ERBB4: variants seen among roughly 807,000 people sequenced by gnomAD.
The protein encoded by ERBB4 is receptor tyrosine-protein kinase erbB-4.
In ERBB4, 42 loss-of-function variants were observed where a neutral mutation model predicts 158.0. The ratio of observed to expected loss-of-function variants is 0.27; its 90% confidence interval spans 0.21 to 0.34. ERBB4 has a LOEUF of 0.34. Among genes scored for constraint, ERBB4 ranks in the 10% least tolerant of loss-of-function variants. ERBB4 has a pLI of 1.00. For synonymous variants in ERBB4, 583 were observed against 558.7 expected, an observed-to-expected ratio of 1.04 and a Z score of -0.61; for missense variants, 1,333 against 1,624.1, an observed-to-expected ratio of 0.82 and a Z score of 3.08.
Position 211,379,522 on chromosome 2 carries a change from C to T in ERBB4, c.*4093G>A, listed in dbSNP as rs2062539070. 4.3e-6 allele frequency: 1 copy of T among 230,896 alleles called. No individual in the cohort carries two copies. Among genetic ancestry groups the T allele is most frequent in the Non-Finnish European group, 8.6e-6 (1 of 116,666 alleles). 14.3% of individuals were successfully genotyped at this position (230,896 alleles called of 1,614,324 possible). A position where few individuals can be genotyped will look rare whatever the true frequency, so the allele number is the denominator to read the frequency against. ...CAACAATTTTAAATGGCAAACTTATCTTTTTACTATGCAAAATCCATCCTA... is the reference window on the plus strand; with the variant it reads ...CAACAATTTTAAATGGCAAACTTATTTTTTTACTATGCAAAATCCATCCTA... On this transcript the variant is annotated 3_prime_UTR_variant, in exon 28 of 28. Coordinates refer to ENST00000342788, the MANE Select transcript of ERBB4 (RefSeq NM_005235.3).
At chr2:211,755,449 C>T (rs2075269048) in intron 4 of ERBB4, among the ~76,000 whole-genome samples, 1 of 152,096 alleles carries the variant, frequency 6.6e-6, no homozygotes, top group Non-Finnish European at 1.5e-5. Context: ...TTGCAGTGAG[C>T]CATGATTGCT....
At chr2:211,516,785 C>G (rs2066046324) in intron 20 of ERBB4, among the ~76,000 whole-genome samples, 1 of 152,070 alleles carries the variant, frequency 6.6e-6, no homozygotes, top group Non-Finnish European at 1.5e-5. Context: ...ACGGTAGAAG[C>G]AAGAAGTAGT....
intron 2 of ERBB4, among the ~76,000 whole-genome samples, chr2:212,086,534 G>A (rs1237489765): frequency 2.0e-5 from 3 of 151,734 alleles, no homozygotes; most frequent in Non-Finnish European, 2.9e-5. Context: ...GCTTCTTTAT[G>A]TCTAACTATT....
intron 2 of ERBB4, among the ~76,000 whole-genome samples, chr2:211,950,515 T>C (rs1326960716): frequency 6.6e-6 from 1 of 152,192 alleles, no homozygotes; most frequent in African/African-American, 2.4e-5. Context: ...TAGTAATCTC[T>C]AGTTGGTTTA....
In ERBB4 at chr2:211,750,556, G is replaced by C. The variant is rs1024437777; in HGVS notation, c.622+83C>G. ...AGGTGATAGCTCATTTCATGTTTTA[G>C]ATGACCAGAGGCATGAAATGGACCA... On this transcript the variant is annotated intron_variant, in intron 5 of 27. Coordinates refer to ENST00000342788, the MANE Select transcript of ERBB4 (RefSeq NM_005235.3). 3.3e-6 allele frequency: 4 copies of C among 1,199,952 alleles called. No individual in the cohort carries two copies. In the African/African-American group the frequency reaches 6.0e-5, roughly 18 times the overall value. 74.3% of individuals were successfully genotyped at this position (1,199,952 alleles called of 1,614,324 possible). A position where few individuals can be genotyped will look rare whatever the true frequency, so the allele number is the denominator to read the frequency against.
At chr2:211,500,695 T>G (rs745733714) in intron 20 of ERBB4, among the ~76,000 whole-genome samples, 26 of 152,082 alleles carry the variant, frequency 1.7e-4, no homozygotes, top group Non-Finnish European at 2.6e-4. Context: ...ATATTCTATA[T>G]GTAAGTTATA....
intron 3 of ERBB4, among the ~76,000 whole-genome samples, chr2:211,835,528 C>A (rs1034997499): frequency 2.6e-5 from 4 of 151,830 alleles, no homozygotes; most frequent in Admixed American, 6.6e-5. Flanking sequence ...TTTGAATGGT[C>A]CTAAAATTTC....
intron 2 of ERBB4, among the ~76,000 whole-genome samples, chr2:212,083,971 G>A (rs2078525415): frequency 6.7e-6 from 1 of 149,416 alleles, no homozygotes; most frequent in South Asian, 2.1e-4. Flanking sequence ...CTTTGACAAT[G>A]AACACACTTA....
chr2:212,067,423 A>G (rs2077977915), intron 2 of ERBB4, among the ~76,000 whole-genome samples: 1 of 151,972 alleles, frequency 6.6e-6, no homozygotes, highest in Non-Finnish European at 1.5e-5. Context: ...ACTGTTTTTG[A>G]GTTTTTATTA....
chr2:211,611,682 C>T (rs1218772289), intron 19 of ERBB4, among the ~76,000 whole-genome samples: 1 of 152,110 alleles, frequency 6.6e-6, no homozygotes, highest in Non-Finnish European at 1.5e-5. Flanking sequence ...CTTGTATTCT[C>T]ACTCTTACTG....
chr2:211,515,763 C>T (rs2066005650), intron 20 of ERBB4, among the ~76,000 whole-genome samples: 1 of 150,768 alleles, frequency 6.6e-6, no homozygotes, highest in Non-Finnish European at 1.5e-5. Context: ...CCCTACTGTA[C>T]CACACATTTC....
chr2:211,508,942 CAAAAAAACA>C, intron 20 of ERBB4, among the ~76,000 whole-genome samples: 1 of 130,586 alleles, frequency 7.7e-6, no homozygotes, highest in East Asian at 2.4e-4. Context: ...AACAAACAAA[CAAAAAAACA>C]AAACAAAAAA....
chr2:211,951,962 A>G (rs2080886046), intron 2 of ERBB4, among the ~76,000 whole-genome samples: 1 of 152,008 alleles, frequency 6.6e-6, no homozygotes, highest in Non-Finnish European at 1.5e-5. Context: ...ATTTATCTTA[A>G]TTGTTACGTC....
chr2:212,419,790 A>T (rs1375293919), intron 1 of ERBB4, among the ~76,000 whole-genome samples: 1 of 151,860 alleles, frequency 6.6e-6, no homozygotes. Flanking sequence ...AACTGAATTA[A>T]CGTCCTATTC....
At chr2:211,730,429 C>CTA in intron 5 of ERBB4, among the ~76,000 whole-genome samples, 1 of 152,020 alleles carries the variant, frequency 6.6e-6, no homozygotes. Context: ...TTTTTACACT[C>CTA]TGACACTTCC....
intron 3 of ERBB4, among the ~76,000 whole-genome samples, chr2:211,876,443 A>AT (rs1368286290): frequency 2.6e-5 from 4 of 152,146 alleles, no homozygotes; most frequent in Non-Finnish European, 4.4e-5. Context: ...TTATTTCAAA[A>AT]TTTTACCAGA....
At position 212,349,992 on chromosome 2, in the gene ERBB4, A is replaced by G. The variant is rs114307726; in HGVS notation, c.82+188457T>C. Among the ~76,000 whole-genome samples the G allele has an allele frequency of 6.6e-3, 1,009 of 152,280 alleles. 14 individuals are homozygous for G. Among genetic ancestry groups the G allele is most frequent in the African/African-American group, 0.023 (968 of 41,586 alleles). On this transcript the variant is annotated intron_variant, in intron 1 of 27. Coordinates refer to ENST00000342788, the MANE Select transcript of ERBB4 (RefSeq NM_005235.3). ...ACTTGATGAAAAAATGAACAAAGGT[A>G]AATATAGTTCCTTCCACAGAAAAAA...
intron 2 of ERBB4, among the ~76,000 whole-genome samples, chr2:212,110,514 C>T (rs6435690): frequency 0.49 from 74,117 of 152,090 alleles, 19,408 homozygotes; most frequent in Non-Finnish European, 0.59. Flanking sequence ...GCAGTCACTG[C>T]TGCTACCGCC....
intron 1 of ERBB4, among the ~76,000 whole-genome samples, chr2:212,400,822 A>G (rs1232811046): frequency 6.6e-6 from 1 of 152,202 alleles, no homozygotes; most frequent in African/African-American, 2.4e-5. Flanking sequence ...ATAAAAAGAT[A>G]TAACTCTTGA....
Sources: allele counts gnomAD v4.1 joint callset (sites outside exome capture counted in the v4.1 genomes callset), GRCh38; gene constraint gnomAD v4.1.1; transcripts MANE v1.5; gene names NCBI Gene and HGNC (gene_info 2026-07-23, HGNC 2026-07-21).